Variants in TMEM132D observed in about 807,000 individuals in gnomAD.
TMEM132D encodes mature OL transmembrane protein.
A neutral mutation model predicts 62.3 loss-of-function variants in TMEM132D; 21 were observed. That is an observed-to-expected ratio of 0.34 (90% CI 0.24 to 0.49). TMEM132D has a LOEUF of 0.49. TMEM132D is among the 20% of genes least tolerant of loss of function. The pLI is 0.99. For synonymous variants in TMEM132D, 621 were observed against 575.6 expected (o/e 1.08, Z -1.13); for missense variants, 1,346 against 1,402.8 (o/e 0.96, Z 0.65).
chr12:129,675,722 T>C (rs1593115618), intron 2 of TMEM132D, among the ~76,000 whole-genome samples: 1 of 151,950 alleles, frequency 6.6e-6, no homozygotes, highest in Non-Finnish European at 1.5e-5. Flanking sequence ...GGGGAGAAAG[T>C]AGTGGGTGGA....
chr12:129,899,862 CCA>C (rs59886334), intron 1 of TMEM132D, among the ~76,000 whole-genome samples: 57,534 of 151,712 alleles, frequency 0.38, 11,064 homozygotes, highest in Middle Eastern at 0.53. Context: ...AAGCAAAAAG[CCA>C]CACTCTCTCT....
intron 1 of TMEM132D, among the ~76,000 whole-genome samples, chr12:129,841,363 A>G (rs1873187593): frequency 6.6e-6 from 1 of 152,198 alleles, no homozygotes; most frequent in Non-Finnish European, 1.5e-5. Flanking sequence ...AAGCCCTCGT[A>G]AGATTGTCTA....
At chr12:129,429,799 T>A (rs533926315) in intron 3 of TMEM132D, among the ~76,000 whole-genome samples, 1 of 146,234 alleles carries the variant, frequency 6.8e-6, no homozygotes, top group African/African-American at 2.5e-5. Context: ...GTGTTCTCAT[T>A]GTTCAATTCT....
At chr12:129,537,390 G>A (rs1009331039) in intron 2 of TMEM132D, among the ~76,000 whole-genome samples, 2 of 152,208 alleles carry the variant, frequency 1.3e-5, no homozygotes, top group Non-Finnish European at 2.9e-5. Flanking sequence ...CCACGATAAA[G>A]GAGACACTTG....
intron 3 of TMEM132D, among the ~76,000 whole-genome samples, chr12:129,380,988 T>A (rs1047403624): frequency 2.0e-5 from 3 of 152,150 alleles, no homozygotes. Flanking sequence ...CAGATGGCTG[T>A]TTGGATAAGG....
chr12:129,536,322 C>CT, intron 2 of TMEM132D, among the ~76,000 whole-genome samples: 1 of 152,174 alleles, frequency 6.6e-6, no homozygotes, highest in East Asian at 1.9e-4. Context: ...GAAACATGCC[C>CT]TTTGGGGTCA....
In TMEM132D at chr12:129,760,323, C is replaced by CTTTTTT. The variant is rs71082753; in HGVS notation, c.80-59631_80-59626dup. On this transcript the variant is annotated intron_variant, in intron 1 of 8. Coordinates refer to ENST00000422113, the MANE Select transcript of TMEM132D (RefSeq NM_133448.3). Reference sequence around the variant, plus strand: ...AGACAGAAATGATGTAAGCCACTTTCTTTTTTTTTTTTTTTTTTTTTTTTT... The same window carrying CTTTTTT: ...AGACAGAAATGATGTAAGCCACTTTCTTTTTTTTTTTTTTTTTTTTTTTTTTTTTTT... Among the ~76,000 whole-genome samples, 4 of 115,494 alleles carry CTTTTTT rather than the reference C, an allele frequency of 3.5e-5. 1 individual carries two copies. Among genetic ancestry groups the CTTTTTT allele is most frequent in the Non-Finnish European group, 5.0e-5 (3 of 59,562 alleles). 75.8% of individuals were successfully genotyped at this position (115,494 alleles called of 152,430 possible). A position where few individuals can be genotyped will look rare whatever the true frequency, so the allele number is the denominator to read the frequency against.
chr12:129,795,601 C>G (rs943777221), intron 1 of TMEM132D, among the ~76,000 whole-genome samples: 1 of 152,150 alleles, frequency 6.6e-6, no homozygotes, highest in African/African-American at 2.4e-5. Context: ...ACATATAATG[C>G]CAGCTGCTGG....
At chr12:129,809,916 C>T (rs1468442197) in intron 1 of TMEM132D, among the ~76,000 whole-genome samples, 1 of 151,948 alleles carries the variant, frequency 6.6e-6, no homozygotes, top group Admixed American at 6.6e-5. Flanking sequence ...CTGTAGAACA[C>T]AAAAATGCAC....
intron 1 of TMEM132D, among the ~76,000 whole-genome samples, chr12:129,842,097 A>ATTTTTT (rs746315309): frequency 9.2e-5 from 9 of 97,442 alleles, no homozygotes; most frequent in Non-Finnish European, 1.2e-4. Flanking sequence ...CGCCCGGCTA[A>ATTTTTT]TTTTTTTTTT....
chr12:129,770,139 G>GGT, intron 1 of TMEM132D, among the ~76,000 whole-genome samples: 1 of 40,156 alleles, frequency 2.5e-5, no homozygotes, highest in Middle Eastern at 0.038. Context: ...GGGTTTTTTT[G>GGT]GTTGTTTTTT....
intron 5 of TMEM132D, among the ~76,000 whole-genome samples, chr12:129,112,395 C>T (rs565394250): frequency 6.6e-6 from 1 of 152,178 alleles, no homozygotes; most frequent in African/African-American, 2.4e-5. Context: ...GGCACGGTGG[C>T]TCACGCCTGT....
Position 129,084,664 on chromosome 12 carries a change from T to G in TMEM132D, c.1482A>C (p.Lys494Asn). The G allele has an allele frequency of 6.2e-7, 1 of 1,614,104 alleles. No individual in the cohort carries two copies. The highest frequency in any genetic ancestry group is 8.5e-7 in the Non-Finnish European group (1 of 1,180,018). ...CCACGTTGACCTTGCCTTTCATTTC[T>G]TTCCCATTGACAAAGACGTAGTCAC... is the stretch of plus-strand genomic sequence containing the variant. ...DRCDYVFVNG[K>N]EMKGKVNVVV... Residue 494 changes from lysine (K) to asparagine (N), a missense_variant, in exon 6 of 9, where the codon AAA (lysine) becomes AAC (asparagine). Coordinates refer to ENST00000422113, the MANE Select transcript of TMEM132D (RefSeq NM_133448.3).
chr12:129,406,554 A>C (rs1009573950), intron 3 of TMEM132D, among the ~76,000 whole-genome samples: 2 of 151,010 alleles, frequency 1.3e-5, no homozygotes, highest in Non-Finnish European at 2.9e-5. Flanking sequence ...CGGGAGGCGG[A>C]GGTTGCAGTG....
intron 5 of TMEM132D, among the ~76,000 whole-genome samples, chr12:129,131,670 A>C (rs1876378590): frequency 6.6e-5 from 10 of 152,174 alleles, no homozygotes; most frequent in Admixed American, 6.6e-4. Flanking sequence ...ATGAGAATCC[A>C]GCATGCTCAA....
intron 4 of TMEM132D, among the ~76,000 whole-genome samples, chr12:129,217,463 A>G (rs558666135): frequency 6.6e-6 from 1 of 152,274 alleles, no homozygotes; most frequent in South Asian, 2.1e-4. Flanking sequence ...GGGGGCAAAC[A>G]TTCCAAACAG....
rs1003069593 is a variant in TMEM132D, at chr12:129,074,566, C to T, written c.2609G>A (p.Ser870Asn). ...CAAGTGGCTGTTGTCATCTAAAAGGCTTTCCTGGCCTTTCTTCTTCTGCAG... is the reference window on the plus strand; with the variant it reads ...CAAGTGGCTGTTGTCATCTAAAAGGTTTTCCTGGCCTTTCTTCTTCTGCAG... ...SILQKKKGQESLLDDNSHLQT... is the reference protein window; with the variant it reads ...SILQKKKGQENLLDDNSHLQT... Residue 870 changes from serine to asparagine, a missense_variant, in exon 9 of 9, where the codon AGC (serine) becomes AAC (asparagine). Coordinates refer to ENST00000422113, the MANE Select transcript of TMEM132D (RefSeq NM_133448.3). 5.6e-6 allele frequency: 9 copies of T among 1,613,964 alleles called. No homozygotes were observed. The East Asian group carries it at 6.7e-5, about 12-fold the overall frequency.
chr12:129,388,718 T>C (rs199920843), intron 3 of TMEM132D, among the ~76,000 whole-genome samples: 50 of 97,764 alleles, frequency 5.1e-4, no homozygotes, highest in African/African-American at 1.3e-3. Context: ...ATATTAACAC[T>C]AACACTCATC....
chr12:129,284,535 G>A (rs140240162), intron 4 of TMEM132D, among the ~76,000 whole-genome samples: 2 of 152,280 alleles, frequency 1.3e-5, no homozygotes, highest in African/African-American at 2.4e-5. Context: ...ATATGGATTC[G>A]TATTTGTCCC....
Sources: gnomAD v4.1 joint callset for allele counts (sites outside exome capture counted in the v4.1 genomes callset) on GRCh38, gnomAD v4.1.1 for gene constraint, MANE v1.5 for transcripts, NCBI Gene and HGNC (gene_info 2026-07-23, HGNC 2026-07-21) for gene names.